ST6GALNAC3: variants seen among roughly 807,000 people sequenced by gnomAD.
ST6GALNAC3 encodes ST6 N-acetylgalactosaminide alpha-2,6-sialyltransferase 3, also known as alpha-N-acetylgalactosaminide alpha-2,6-sialyltransferase 3.
ST6GALNAC3 carries 25 observed loss-of-function variants against 32.7 expected under a neutral mutation model. That is an observed-to-expected ratio of 0.76 (90% CI 0.56 to 1.07). The LOEUF (loss-of-function observed/expected upper bound fraction) is 1.07, where lower values mean the gene tolerates loss of function less well. Ranked by LOEUF, ST6GALNAC3 falls within the 50% of genes least tolerant of loss-of-function variation. The probability of loss-of-function intolerance (pLI) is 0.00; values close to 1 mark genes in which losing one functional copy is unlikely to be tolerated. For missense variants in ST6GALNAC3, 355 were observed against 382.4 expected (o/e 0.93, Z 0.60); for synonymous variants, 129 against 133.1 (o/e 0.97, Z 0.21).
chr1:76,627,358 A>G, intron 3 of ST6GALNAC3, 94 bp from the exon 4 acceptor site: 1 of 796,616 alleles, frequency 1.3e-6, no homozygotes, highest in South Asian at 1.6e-5. Context: ...TATGTTTTTG[A>G]TGAAATGTTG....
At chr1:76,433,979 A>G (rs989258413) in intron 3 of ST6GALNAC3, among the ~76,000 whole-genome samples, 2 of 152,084 alleles carry the variant, frequency 1.3e-5, no homozygotes, top group Non-Finnish European at 2.9e-5. Flanking sequence ...TTATTTTAGC[A>G]TTCTTATTGA....
At chr1:76,305,086 A>G (rs944913196) in intron 1 of ST6GALNAC3, among the ~76,000 whole-genome samples, 6 of 152,046 alleles carry the variant, frequency 3.9e-5, no homozygotes, top group African/African-American at 1.4e-4. Context: ...AGTGAGGGCA[A>G]CAGGTGGATT....
intron 2 of ST6GALNAC3, among the ~76,000 whole-genome samples, chr1:76,351,494 C>T (rs915772668): frequency 5.3e-5 from 8 of 151,990 alleles, no homozygotes; most frequent in African/African-American, 1.9e-4. Flanking sequence ...TTTAAAACTA[C>T]TATAACTTTT....
intron 1 of ST6GALNAC3, among the ~76,000 whole-genome samples, chr1:76,292,389 C>T (rs1660148497): frequency 6.6e-6 from 1 of 152,190 alleles, no homozygotes; most frequent in Admixed American, 6.5e-5. Flanking sequence ...ATCACAAGGG[C>T]AGTCCTTCGC....
At chr1:76,390,322 AAAAGGAATTTATTGAATT>A (rs1283429943) in intron 2 of ST6GALNAC3, among the ~76,000 whole-genome samples, 2 of 152,162 alleles carry the variant, frequency 1.3e-5, no homozygotes, top group Non-Finnish European at 2.9e-5. Flanking sequence ...CTTAATTTTC[AAAAGGAATTTATTGAATT>A]TAATCTGAGC....
At chr1:76,168,949 T>A (rs1345740392) in intron 1 of ST6GALNAC3, among the ~76,000 whole-genome samples, 1 of 152,194 alleles carries the variant, frequency 6.6e-6, no homozygotes, top group Non-Finnish European at 1.5e-5. Flanking sequence ...TTAGCCCATT[T>A]ACCTTTAAGG....
intron 3 of ST6GALNAC3, among the ~76,000 whole-genome samples, chr1:76,421,362 T>C (rs930546661): frequency 9.2e-5 from 14 of 152,056 alleles, no homozygotes; most frequent in African/African-American, 3.4e-4. Context: ...ACTGGGTTTT[T>C]AATAAGTAAC....
At chr1:76,402,715 C>T (rs1319927586) in intron 2 of ST6GALNAC3, among the ~76,000 whole-genome samples, 4 of 152,008 alleles carry the variant, frequency 2.6e-5, no homozygotes, top group South Asian at 4.1e-4. Context: ...AACTGTAACT[C>T]GAAGTACCCT....
intron 3 of ST6GALNAC3, among the ~76,000 whole-genome samples, chr1:76,468,941 C>T (rs1008327280): frequency 6.6e-6 from 1 of 151,928 alleles, no homozygotes; most frequent in African/African-American, 2.4e-5. Flanking sequence ...AAAATAATTT[C>T]TTTCCTTGGC....
At chr1:76,305,810 G>C (rs11162118) in intron 1 of ST6GALNAC3, 109,639 of 466,592 alleles carry the variant, frequency 0.23, 14,059 homozygotes, top group East Asian at 0.45. Flanking sequence ...TATAATCTCA[G>C]TTTTCCAGAC....
chr1:76,126,424 T>TTTCCTTCCTTCCTTCCTTCC (rs770778690), intron 1 of ST6GALNAC3, among the ~76,000 whole-genome samples: 8 of 73,370 alleles, frequency 1.1e-4, no homozygotes, highest in South Asian at 4.9e-4. Flanking sequence ...CCCTCCTGCC[T>TTTCCTTCCTTCCTTCCTTCC]TTCCTTCCTT....
intron 1 of ST6GALNAC3, among the ~76,000 whole-genome samples, chr1:76,212,789 C>T (rs1483367697): frequency 6.6e-6 from 1 of 152,062 alleles, no homozygotes; most frequent in Non-Finnish European, 1.5e-5. Flanking sequence ...GAAGCTCATC[C>T]GCTCAGTGAA....
intron 3 of ST6GALNAC3, among the ~76,000 whole-genome samples, chr1:76,617,857 G>A (rs1056857755): frequency 6.6e-6 from 1 of 152,110 alleles, no homozygotes; most frequent in African/African-American, 2.4e-5. Context: ...AAAGAATGAA[G>A]GAGATTCCAG....
At chr1:76,544,697 C>A (rs971492161) in intron 3 of ST6GALNAC3, among the ~76,000 whole-genome samples, 6 of 152,060 alleles carry the variant, frequency 3.9e-5, no homozygotes, top group African/African-American at 1.4e-4. Flanking sequence ...ATGAAATATC[C>A]AAGGCAGGAA....
intron 1 of ST6GALNAC3, among the ~76,000 whole-genome samples, chr1:76,249,522 T>C (rs915138109): frequency 2.0e-5 from 3 of 152,218 alleles, no homozygotes; most frequent in Admixed American, 6.5e-5. Flanking sequence ...ATATCTTTTT[T>C]TTCTACTTAT....
At position 76,241,750 on chromosome 1, in the gene ST6GALNAC3, T is replaced by G. The variant is rs1440034371; in HGVS notation, c.19-72055T>G. ...ATGGTTCATTAAAATTTAAAAATAT[T>G]GATTACATGTTGAAATGATAATATC... On this transcript the variant is annotated intron_variant, in intron 1 of 4. Transcript: ENST00000328299. Among the ~76,000 whole-genome samples, 3 of 152,320 alleles carry G rather than the reference T, an allele frequency of 2.0e-5. No homozygotes were observed. In the East Asian group the frequency reaches 5.8e-4, roughly 29 times the overall value.
intron 1 of ST6GALNAC3, among the ~76,000 whole-genome samples, chr1:76,110,290 A>C (rs562821997): frequency 6.6e-6 from 1 of 152,352 alleles, no homozygotes; most frequent in Admixed American, 6.5e-5. Context: ...TATAACCTGG[A>C]TATTGATACT....
At chr1:76,096,924 T>G (rs1276280882) in intron 1 of ST6GALNAC3, among the ~76,000 whole-genome samples, 1 of 151,690 alleles carries the variant, frequency 6.6e-6, no homozygotes, top group African/African-American at 2.4e-5. Context: ...AGAGCTTTTT[T>G]TTTTTTTTTT....
At chr1:76,580,510 C>G (rs190183955) in intron 3 of ST6GALNAC3, among the ~76,000 whole-genome samples, 342 of 152,220 alleles carry the variant, frequency 2.2e-3, no homozygotes, top group Non-Finnish European at 3.7e-3. Context: ...TTTCAACAAC[C>G]TGTTTTATTC....
Sources: gnomAD v4.1 joint callset for allele counts (sites outside exome capture counted in the v4.1 genomes callset) on GRCh38, gnomAD v4.1.1 for gene constraint, MANE v1.5 for transcripts, NCBI Gene and HGNC (gene_info 2026-07-23, HGNC 2026-07-21) for gene names.